Variants in CELF5 observed in about 807,000 individuals in gnomAD.
CELF5 encodes the protein CUG-BP and ETR-3 like factor 5.
CELF5 carries 6 observed loss-of-function variants against 54.9 expected under a neutral mutation model. The ratio of observed to expected loss-of-function variants is 0.11; its 90% CI spans 0.06 to 0.22. The LOEUF (loss-of-function observed/expected upper bound fraction) is 0.22. CELF5 is among the 10% of genes least tolerant of loss of function. The pLI is 1.00. For missense variants in CELF5, 401 were observed against 678.6 expected, an observed-to-expected ratio of 0.59 and a Z score of 4.54; for synonymous variants, 271 against 290.9, an observed-to-expected ratio of 0.93 and a Z score of 0.70.
Position 3,282,479 on chromosome 19 carries a change from T to C in CELF5, c.1020T>C (p.Asn340=). ...GHPALETVYA[N]GLVPYPAQSP... is the part of the protein sequence containing the mutation. ...CTGCCCTGGAAACCGTCTATGCCAA[T>C]GGCCTTGTGCCCTACCCAGGTAAAT... is the stretch of plus-strand genomic sequence containing the variant. The change falls in exon 8 of 13, where the codon AAT becomes AAC. Residue 340 remains asparagine, a synonymous_variant. Transcript: ENST00000292672. The surrounding 1 kb of genome is among the most constrained non-coding windows in gnomAD (Gnocchi z 5.2). 6.2e-7 allele frequency: 1 copy of C among 1,613,512 alleles called. No individual in the cohort carries two copies. Among genetic ancestry groups the C allele is most frequent in the Non-Finnish European group, 8.5e-7 (1 of 1,179,912 alleles).
At chr19:3,273,157 C>T (rs1000232265) in intron 2 of CELF5, among the ~76,000 whole-genome samples, 1 of 152,096 alleles carries the variant, frequency 6.6e-6, no homozygotes, top group Non-Finnish European at 1.5e-5. Flanking sequence ...TGCTGAGTAA[C>T]AAACTACTCC....
intron 1 of CELF5, 84 bp downstream of exon 1, chr19:3,225,082 C>T: frequency 2.2e-6 from 2 of 919,526 alleles, no homozygotes; most frequent in East Asian, 3.3e-5. Context: ...CCATCACCAT[C>T]CCTCCTCTGC....
intron 1 of CELF5, among the ~76,000 whole-genome samples, chr19:3,244,696 G>T (rs1174736642): frequency 6.7e-6 from 1 of 149,284 alleles, no homozygotes; most frequent in African/African-American, 2.5e-5. Flanking sequence ...GTAGTGTGTG[G>T]TGTGTATGCA....
intron 1 of CELF5, among the ~76,000 whole-genome samples, chr19:3,226,537 G>A (rs1049909700): frequency 7.3e-5 from 11 of 151,412 alleles, no homozygotes; most frequent in African/African-American, 2.2e-4. Flanking sequence ...GGGCTCCCAT[G>A]CGGCCCCCAT....
Position 3,282,530 on chromosome 19 carries a change from G to C in CELF5, c.1039+32G>C. ...TGGGGTCGTCCTCTGGGGCCTAGGA[G>C]AGTGGTGGGGAATAAAGATGGTGTT... On this transcript the variant is annotated intron_variant, in intron 8 of 12. Coordinates refer to ENST00000292672, the MANE Select transcript of CELF5 (RefSeq NM_021938.4). This position sits in a 1 kb window ranked among gnomAD's most constrained non-coding sequence, Gnocchi z 5.2. 2 of 1,590,160 alleles carry C rather than the reference G, an allele frequency of 1.3e-6. No individual in the cohort carries two copies. Among genetic ancestry groups the C allele is most frequent in the South Asian group, 2.3e-5 (2 of 88,282 alleles).
chr19:3,226,643 C>T (rs767327630), intron 1 of CELF5, among the ~76,000 whole-genome samples: 3 of 152,120 alleles, frequency 2.0e-5, no homozygotes, highest in African/African-American at 4.8e-5. Context: ...GAAAGATTCC[C>T]GTGGGAATGG....
chr19:3,233,994 G>GCC (rs1375531059), intron 1 of CELF5, among the ~76,000 whole-genome samples: 1 of 152,180 alleles, frequency 6.6e-6, no homozygotes, highest in African/African-American at 2.4e-5. Flanking sequence ...AGTGGAGCAG[G>GCC]CCCCTCAGTG....
At position 3,241,744 on chromosome 19, in the gene CELF5, C is replaced by T. The variant is rs527536479; in HGVS notation, c.260-9241C>T. Among the ~76,000 whole-genome samples, 3 of 152,210 alleles carry T rather than the reference C, an allele frequency of 2.0e-5. No individual in the cohort carries two copies. The South Asian group carries it at 6.2e-4, about 32-fold the overall frequency. On this transcript the variant is annotated intron_variant, in intron 1 of 12. Coordinates refer to ENST00000292672, the MANE Select transcript of CELF5 (RefSeq NM_021938.4). ...CAGGGCCCTCAGCATTTGATCCAGC[C>T]CCGTGTTTCTGACAAAGGTGGCACT... is the stretch of plus-strand genomic sequence containing the variant.
intron 11 of CELF5, among the ~76,000 whole-genome samples, chr19:3,291,809 G>A (rs529845493): frequency 6.6e-6 from 1 of 152,176 alleles, no homozygotes; most frequent in African/African-American, 2.4e-5. Flanking sequence ...AGGGCCTTGT[G>A]AGCCTCAGGG....
rs181419060 is a variant in CELF5, at chr19:3,244,000, C to T, written c.260-6985C>T. Reference sequence around the variant, plus strand: ...CCAAATAAAGTCACATTCGGAGGTCCTGGGGATTAGGACTGCAAATGATGA... The same window carrying T: ...CCAAATAAAGTCACATTCGGAGGTCTTGGGGATTAGGACTGCAAATGATGA... On this transcript the variant is annotated intron_variant, in intron 1 of 12. Transcript: ENST00000292672. Among the ~76,000 whole-genome samples the T allele has an allele frequency of 2.6e-5, 4 of 151,996 alleles. 1 individual carries two copies. Among genetic ancestry groups the T allele is most frequent in the Admixed American group, 2.0e-4 (3 of 15,230 alleles).
chr19:3,271,593 C>T (rs1035532959), intron 2 of CELF5, among the ~76,000 whole-genome samples: 3 of 151,962 alleles, frequency 2.0e-5, no homozygotes, highest in Non-Finnish European at 4.4e-5. Context: ...CATATGTGCC[C>T]GGGACATACA....
In CELF5 at chr19:3,281,146, G is replaced by C. The variant is rs1599469911; in HGVS notation, c.604-53G>C. ...CTAACATGAATCCAGGGACCCCAGA[G>C]TCCTGGCTACCTCCCAGCCCGTTTC... is the stretch of plus-strand genomic sequence containing the variant. On this transcript the variant is annotated intron_variant, in intron 5 of 12. Coordinates refer to ENST00000292672, the MANE Select transcript of CELF5 (RefSeq NM_021938.4). The surrounding 1 kb of genome is among the most constrained non-coding windows in gnomAD (Gnocchi z 6.5). 1.9e-6 allele frequency: 3 copies of C among 1,579,606 alleles called. No individual in the cohort carries two copies. In the East Asian group the frequency reaches 6.8e-5, roughly 36 times the overall value.
chr19:3,242,919 G>A (rs2079511303), intron 1 of CELF5, among the ~76,000 whole-genome samples: 1 of 151,996 alleles, frequency 6.6e-6, no homozygotes, highest in Non-Finnish European at 1.5e-5. Context: ...AGGTGAGATG[G>A]TGCTGCTGCA....
intron 11 of CELF5, among the ~76,000 whole-genome samples, chr19:3,291,003 G>A (rs1019886700): frequency 6.6e-6 from 1 of 151,760 alleles, no homozygotes; most frequent in African/African-American, 2.4e-5. Flanking sequence ...GCGTGTGCCT[G>A]TAGTCCCAAC....
In CELF5 at chr19:3,228,624, G is replaced by A. The variant is rs1271333311; in HGVS notation, c.259+3626G>A. ...TGGGGGACGGTGCAGGTGGGGGGGG[G>A]GCCCGGCGGGGGCCCGGGTGGGGGC... is the stretch of plus-strand genomic sequence containing the variant. On this transcript the variant is annotated intron_variant, in intron 1 of 12. Coordinates refer to ENST00000292672, the MANE Select transcript of CELF5 (RefSeq NM_021938.4). The surrounding 1 kb of genome is among the most constrained non-coding windows in gnomAD (Gnocchi z 6.0). 6.6e-6 allele frequency among the ~76,000 whole-genome samples: 1 copy of A among 151,884 alleles called. No individual in the cohort carries two copies. Among genetic ancestry groups the A allele is most frequent in the East Asian group, 1.9e-4 (1 of 5,166 alleles).
At chr19:3,287,043 A>G (rs1367759383) in intron 10 of CELF5, among the ~76,000 whole-genome samples, 1 of 148,184 alleles carries the variant, frequency 6.7e-6, no homozygotes, top group African/African-American at 2.4e-5. Flanking sequence ...TCAAAAAAAA[A>G]AAAAAAAAAA....
In CELF5 at chr19:3,244,926, CGT is replaced by C. The variant is rs887109298; in HGVS notation, c.260-6049_260-6048del. On this transcript the variant is annotated intron_variant, in intron 1 of 12. Coordinates refer to ENST00000292672, the MANE Select transcript of CELF5 (RefSeq NM_021938.4). ...TGTGTGGTGTGTGCATACATCTGTA[CGT>C]GTGTGTGTGGTGTGTGGTGTGTGCA... Among the ~76,000 whole-genome samples the C allele has an allele frequency of 1.5e-4, 17 of 117,024 alleles. No individual in the cohort carries two copies. In the South Asian group the frequency reaches 2.6e-3, roughly 18 times the overall value. The allele number at this position is 117,024 out of a possible 152,430, so 76.8% of individuals were successfully genotyped here. A position where few individuals can be genotyped will look rare whatever the true frequency, so the allele number is the denominator to read the frequency against.
At chr19:3,287,596 C>T (rs368724147) in intron 10 of CELF5, among the ~76,000 whole-genome samples, 8 of 150,830 alleles carry the variant, frequency 5.3e-5, no homozygotes, top group East Asian at 3.9e-4. Context: ...AAAATAAAAA[C>T]GAGGAAAGCT....
intron 5 of CELF5, among the ~76,000 whole-genome samples, chr19:3,279,702 G>A (rs2080115582): frequency 6.6e-6 from 1 of 151,508 alleles, no homozygotes; most frequent in Admixed American, 6.6e-5. Flanking sequence ...CCTGCCTCAG[G>A]CCTCTCTTTT....
Sources: gnomAD v4.1 joint callset for allele counts (sites outside exome capture counted in the v4.1 genomes callset) on GRCh38, gnomAD v4.1.1 for gene constraint, Gnocchi (gnomAD v3.1) non-coding constraint, MANE v1.5 for transcripts, NCBI Gene and HGNC (gene_info 2026-07-23, HGNC 2026-07-21) for gene names.